SLC12A2: variants seen among roughly 807,000 people sequenced by gnomAD.
SLC12A2 encodes the protein Na-K-2Cl cotransporter 1.
SLC12A2 carries 67 observed loss-of-function variants against 136.3 expected under a neutral mutation model. That is an observed-to-expected ratio of 0.49 (90% confidence interval 0.40 to 0.60). The LOEUF is 0.60. Among genes scored for constraint, SLC12A2 ranks in the 20% least tolerant of loss-of-function variants. The probability of loss-of-function intolerance (pLI) is 0.00; values close to 1 mark genes in which losing one functional copy is unlikely to be tolerated. For synonymous variants in SLC12A2, 619 were observed against 562.9 expected (o/e 1.10, Z -1.41); for missense variants, 1,322 against 1,534.7 (o/e 0.86, Z 2.32).
intron 9 of SLC12A2, among the ~76,000 whole-genome samples, chr5:128,140,242 A>G (rs1433914364): frequency 6.6e-6 from 1 of 151,980 alleles, no homozygotes; most frequent in Non-Finnish European, 1.5e-5. Context: ...CAGGTGATCC[A>G]CCTGCCTTAA....
intron 19 of SLC12A2, 150 bp from the exon 20 acceptor site, chr5:128,174,391 C>T (rs1325004558): frequency 5.4e-6 from 3 of 554,730 alleles, no homozygotes; most frequent in Non-Finnish European, 9.2e-6. Flanking sequence ...AATGAATAGT[C>T]ATTTCAAACA....
chr5:128,185,106 C>T (rs537417647), intron 26 of SLC12A2, among the ~76,000 whole-genome samples: 71 of 152,130 alleles, frequency 4.7e-4, no homozygotes, highest in African/African-American at 1.7e-3. Flanking sequence ...TTTGTTTACC[C>T]TTCTTCTCAC....
At chr5:128,091,160 G>C (rs1031808105) in intron 1 of SLC12A2, among the ~76,000 whole-genome samples, 4 of 152,294 alleles carry the variant, frequency 2.6e-5, no homozygotes, top group African/African-American at 9.6e-5. Flanking sequence ...TGCTGGATGT[G>C]TTTCAGAGGT....
At chr5:128,087,232 A>C (rs1760136067) in intron 1 of SLC12A2, among the ~76,000 whole-genome samples, 1 of 152,228 alleles carries the variant, frequency 6.6e-6, no homozygotes, top group Non-Finnish European at 1.5e-5. Context: ...AGTAGGCATG[A>C]GTTCTCCATT....
chr5:128,120,865 TAATAAATAA>T (rs1364257233), intron 4 of SLC12A2, among the ~76,000 whole-genome samples: 5 of 151,928 alleles, frequency 3.3e-5, no homozygotes, highest in East Asian at 1.9e-4. Context: ...ATAATAATAA[TAATAAATAA>T]AATAAATAAA....
In SLC12A2 at chr5:128,084,727, C is replaced by T. The variant is rs761941334; in HGVS notation, c.756+17C>T. ...CTGGAAAAGGTGAGCTCGCCCAGCC[C>T]TCCCTTCTTCCCCAGCCCCTGGTGC... On this transcript the variant is annotated intron_variant, in intron 1 of 26. Transcript: ENST00000262461. This position sits in a 1 kb window ranked among gnomAD's most constrained non-coding sequence, Gnocchi z 5.6. The T allele has an allele frequency of 9.0e-6, 14 of 1,547,872 alleles. No individual in the cohort carries two copies. In the African/African-American group the frequency reaches 1.4e-4, roughly 15 times the overall value.
intron 4 of SLC12A2, among the ~76,000 whole-genome samples, chr5:128,128,382 T>C (rs1365898520): frequency 6.6e-6 from 1 of 152,162 alleles, no homozygotes; most frequent in African/African-American, 2.4e-5. Flanking sequence ...TTATGTTCTT[T>C]ACAGTCAGAG....
At chr5:128,138,527 A>G (rs1380452075) in intron 7 of SLC12A2, 70 bp from the exon 8 acceptor site, 27 of 1,421,790 alleles carry the variant, frequency 1.9e-5, no homozygotes, top group Non-Finnish European at 2.5e-5. Flanking sequence ...TATACCTATT[A>G]TTCTTGACCT....
intron 5 of SLC12A2, among the ~76,000 whole-genome samples, chr5:128,133,951 A>G (rs1053809427): frequency 6.6e-6 from 1 of 152,052 alleles, no homozygotes; most frequent in Admixed American, 6.5e-5. Flanking sequence ...AGCATTAATA[A>G]TCATACATTT....
At chr5:128,139,987 GTTTGTT>G (rs1226840680) in intron 9 of SLC12A2, among the ~76,000 whole-genome samples, 2 of 151,404 alleles carry the variant, frequency 1.3e-5, no homozygotes, top group Non-Finnish European at 2.9e-5. Flanking sequence ...TTTTTTGCTT[GTTTGTT>G]TTTGTTTTTG....
chr5:128,084,171 G>T lies in SLC12A2; in HGVS notation c.217G>T (p.Gly73Trp). 1 of 1,295,534 alleles carries T rather than the reference G, an allele frequency of 7.7e-7. No homozygotes were observed. Among genetic ancestry groups the T allele is most frequent in the South Asian group, 2.5e-5 (1 of 40,458 alleles). The allele number at this position is 1,295,534 out of a possible 1,614,324, so 80.3% of individuals were successfully genotyped here. A position where few individuals can be genotyped will look rare whatever the true frequency, so the allele number is the denominator to read the frequency against. ...AAGDGLGRPL[G>W]PTPSQSRFQV... ...CGGGGACGGGCTGGGCAGACCCTTG[G>T]GGCCCACCCCGAGCCAGAGCCGTTT... The change falls in exon 1 of 27, where the codon GGG (glycine) becomes TGG (tryptophan). Residue 73 changes from glycine (G) to tryptophan (W), a missense_variant. Transcript: ENST00000262461. The surrounding 1 kb of genome is among the most constrained non-coding windows in gnomAD (Gnocchi z 5.6).
chr5:128,103,691 C>T (rs557087779), intron 1 of SLC12A2, among the ~76,000 whole-genome samples: 1 of 143,344 alleles, frequency 7.0e-6, no homozygotes, highest in Non-Finnish European at 1.5e-5. Context: ...TAAACTAAGA[C>T]CTAAAGGATG....
chr5:128,135,212 C>G (rs767047534), intron 6 of SLC12A2, among the ~76,000 whole-genome samples: 32 of 151,994 alleles, frequency 2.1e-4, no homozygotes, highest in Non-Finnish European at 3.8e-4. Context: ...GAATTTCCCT[C>G]CTGTATATTG....
chr5:128,145,371 G>T (rs1317257003), intron 10 of SLC12A2, among the ~76,000 whole-genome samples: 2 of 151,972 alleles, frequency 1.3e-5, no homozygotes, highest in African/African-American at 2.4e-5. Context: ...GTAGAATTTT[G>T]TATGATCTAA....
At chr5:128,127,184 C>T (rs1418882211) in intron 4 of SLC12A2, among the ~76,000 whole-genome samples, 1 of 132,508 alleles carries the variant, frequency 7.5e-6, no homozygotes, top group Non-Finnish European at 1.5e-5. Context: ...TGCAGTGGCA[C>T]GATCTCGGCT....
intron 10 of SLC12A2, among the ~76,000 whole-genome samples, chr5:128,145,442 A>C (rs1416653022): frequency 6.6e-6 from 1 of 152,092 alleles, no homozygotes; most frequent in Non-Finnish European, 1.5e-5. Context: ...TGTCCTTTAC[A>C]ATCTCCTTCC....
intron 1 of SLC12A2, among the ~76,000 whole-genome samples, chr5:128,094,913 A>G (rs964873630): frequency 2.6e-5 from 4 of 152,280 alleles, no homozygotes; most frequent in Admixed American, 1.3e-4. Flanking sequence ...ACATTTGGCT[A>G]GTTGTTATCA....
intron 4 of SLC12A2, among the ~76,000 whole-genome samples, chr5:128,121,099 ACTTTGG>A (rs1386688261): frequency 6.6e-6 from 1 of 152,188 alleles, no homozygotes; most frequent in Non-Finnish European, 1.5e-5. Flanking sequence ...ATTAATTTTA[ACTTTGG>A]CTTTAACAGT....
chr5:128,178,536 CT>C, intron 21 of SLC12A2, 30 bp from the exon 22 acceptor site: 1 of 1,492,542 alleles, frequency 6.7e-7, no homozygotes, highest in South Asian at 1.4e-5. Context: ...ATTTACTTTG[CT>C]TACATTTTAT....
Sources: allele counts gnomAD v4.1 joint callset (sites outside exome capture counted in the v4.1 genomes callset), GRCh38; gene constraint gnomAD v4.1.1; non-coding constraint Gnocchi (gnomAD v3.1); transcripts MANE v1.5; gene names NCBI Gene and HGNC (gene_info 2026-07-23, HGNC 2026-07-21).